STON2: variants seen among roughly 807,000 people sequenced by gnomAD.
The protein encoded by STON2 is stonin 2, also known as stonin-2.
STON2 carries 29 observed loss-of-function variants against 65.7 expected under a neutral mutation model. That is an observed-to-expected ratio of 0.44 (90% CI 0.33 to 0.60). The LOEUF is 0.60. Among genes scored for constraint, STON2 ranks in the 20% least tolerant of loss-of-function variants. The pLI, the probability that STON2 is intolerant of heterozygous loss-of-function variation, is 0.03. For missense variants in STON2, 1,054 were observed against 1,118.1 expected (o/e 0.94, Z 0.82); for synonymous variants, 404 against 414.2 (o/e 0.98, Z 0.30).
chr14:81,399,929 G>A (rs188716748), intron 1 of STON2, among the ~76,000 whole-genome samples: 1 of 152,246 alleles, frequency 6.6e-6, no homozygotes, highest in South Asian at 2.1e-4. Context: ...TAACAAGCAG[G>A]TGTGTTTGAA....
chr14:81,355,389 C>G (rs1898185668), intron 4 of STON2, among the ~76,000 whole-genome samples: 1 of 151,840 alleles, frequency 6.6e-6, no homozygotes, highest in Non-Finnish European at 1.5e-5. Context: ...TATGAGCGCA[C>G]CAAGAGATAA....
intron 4 of STON2, among the ~76,000 whole-genome samples, chr14:81,331,994 G>T (rs904204830): frequency 1.3e-5 from 2 of 152,214 alleles, no homozygotes; most frequent in Non-Finnish European, 2.9e-5. Context: ...AAAGCCAGAA[G>T]TCGGCAATAA....
At chr14:81,423,165 A>C (rs1015126833) in intron 2 of STON2, among the ~76,000 whole-genome samples, 4 of 152,176 alleles carry the variant, frequency 2.6e-5, no homozygotes, top group Non-Finnish European at 4.4e-5. Context: ...TGATGTTATC[A>C]CTACGTACAC....
chr14:81,325,889 A>G (rs886311893), intron 4 of STON2, among the ~76,000 whole-genome samples: 6 of 152,188 alleles, frequency 3.9e-5, no homozygotes, highest in Non-Finnish European at 5.9e-5. Context: ...ACACCCCTGT[A>G]AACATGATTA....
chr14:81,353,105 T>C (rs1898087544), intron 4 of STON2, among the ~76,000 whole-genome samples: 2 of 152,096 alleles, frequency 1.3e-5, no homozygotes, highest in South Asian at 4.1e-4. Flanking sequence ...TCCACACATC[T>C]ACATGAATTA....
chr14:81,285,899 G>A (rs1281839224), intron 5 of STON2, among the ~76,000 whole-genome samples: 1 of 152,190 alleles, frequency 6.6e-6, no homozygotes, highest in African/African-American at 2.4e-5. Context: ...TGTAATCCCA[G>A]CATTTTGGGA....
intron 2 of STON2, among the ~76,000 whole-genome samples, chr14:81,406,834 C>T (rs1368713152): frequency 6.6e-6 from 1 of 152,192 alleles, no homozygotes; most frequent in East Asian, 1.9e-4. Context: ...AACTGGCCAA[C>T]GGTTCTCTGG....
chr14:81,343,390 G>C (rs908064442), intron 4 of STON2, among the ~76,000 whole-genome samples: 1 of 152,130 alleles, frequency 6.6e-6, no homozygotes, highest in African/African-American at 2.4e-5. Context: ...GGGGAGAGGG[G>C]AGGCAACTCA....
intron 6 of STON2, among the ~76,000 whole-genome samples, chr14:81,274,725 C>G (rs1316031286): frequency 6.6e-6 from 1 of 151,924 alleles, no homozygotes; most frequent in African/African-American, 2.4e-5. Flanking sequence ...CACCTGAGGT[C>G]AGGAGTTTGA....
chr14:81,312,556 A>G (rs1896465509), intron 5 of STON2, among the ~76,000 whole-genome samples: 1 of 152,234 alleles, frequency 6.6e-6, no homozygotes. Flanking sequence ...TTCTAATTCA[A>G]TCAACTTCCC....
chr14:81,291,717 A>G (rs1895560970), intron 5 of STON2, among the ~76,000 whole-genome samples: 1 of 151,580 alleles, frequency 6.6e-6, no homozygotes, highest in Non-Finnish European at 1.5e-5. Flanking sequence ...TTATTATTCT[A>G]ATAAATTAGT....
intron 2 of STON2, among the ~76,000 whole-genome samples, chr14:81,426,670 C>G (rs1324467786): frequency 6.6e-6 from 1 of 152,238 alleles, no homozygotes. Flanking sequence ...CAGTCCCCCT[C>G]GCCCGAAACA....
intron 3 of STON2, among the ~76,000 whole-genome samples, chr14:81,377,426 C>CA (rs1455918344): frequency 6.6e-6 from 1 of 152,138 alleles, no homozygotes; most frequent in Non-Finnish European, 1.5e-5. Context: ...CAAAGGACAT[C>CA]TAGGCTGTTT....
chr14:81,364,880 C>T (rs914403917), intron 4 of STON2, among the ~76,000 whole-genome samples: 1 of 152,116 alleles, frequency 6.6e-6, no homozygotes, highest in African/African-American at 2.4e-5. Flanking sequence ...GTAAATCCAC[C>T]TGATAGCAAT....
At chr14:81,287,946 T>C (rs1895402910) in intron 5 of STON2, among the ~76,000 whole-genome samples, 1 of 152,178 alleles carries the variant, frequency 6.6e-6, no homozygotes, top group Non-Finnish European at 1.5e-5. Context: ...GAGACTCCAT[T>C]ACGACACCTT....
At chr14:81,395,407 A>G (rs1411653378) in intron 3 of STON2, 1 of 153,532 alleles carries the variant, frequency 6.5e-6, no homozygotes, top group African/African-American at 2.4e-5. Context: ...ACGCCCAGCT[A>G]ATTTTTGTAT....
Position 81,263,346 on chromosome 14 carries a change from T to C in STON2, c.*5068A>G, listed in dbSNP as rs1181748578. 6.6e-6 allele frequency among the ~76,000 whole-genome samples: 1 copy of C among 152,086 alleles called. No individual in the cohort carries two copies. The highest frequency in any genetic ancestry group is 1.5e-5 in the Non-Finnish European group (1 of 68,014). Reference sequence around the variant, plus strand: ...CTGAGCTCAGAAGTTCAAGACCAGCTGGCCAACATAATGAAATCCCATCTC... The same window carrying C: ...CTGAGCTCAGAAGTTCAAGACCAGCCGGCCAACATAATGAAATCCCATCTC... On this transcript the variant is annotated 3_prime_UTR_variant, in exon 8 of 8. Coordinates refer to ENST00000614646, the MANE Select transcript of STON2 (RefSeq NM_001394390.1).
At chr14:81,299,252 A>G (rs1416697588) in intron 5 of STON2, among the ~76,000 whole-genome samples, 1 of 152,256 alleles carries the variant, frequency 6.6e-6, no homozygotes, top group Non-Finnish European at 1.5e-5. Context: ...ATACAAACAT[A>G]TATGTGAGAC....
chr14:81,346,181 T>C (rs1208761047), intron 4 of STON2, among the ~76,000 whole-genome samples: 2 of 152,192 alleles, frequency 1.3e-5, no homozygotes, highest in African/African-American at 4.8e-5. Context: ...CTCTCATTTT[T>C]TGGGAAAACT....
Sources: gnomAD v4.1 joint callset for allele counts (sites outside exome capture counted in the v4.1 genomes callset) on GRCh38, gnomAD v4.1.1 for gene constraint, MANE v1.5 for transcripts, NCBI Gene and HGNC (gene_info 2026-07-23, HGNC 2026-07-21) for gene names.